The following DPYD variants were observed in gnomAD, a reference collection of about 807,000 sequenced individuals.
The protein encoded by DPYD is dihydropyrimidine dehydrogenase [NADP(+)].
Under a neutral mutation model 116.2 loss-of-function variants are expected in DPYD, and 109 were observed. That is an observed-to-expected ratio of 0.94 (90% CI 0.80 to 1.10). The LOEUF is 1.10. Among genes scored for constraint, DPYD ranks in the 50% least tolerant of loss-of-function variants. The pLI is 0.00. For synonymous variants in DPYD, 440 were observed against 432.0 expected (o/e 1.02, Z -0.23); for missense variants, 1,302 against 1,254.5 (o/e 1.04, Z -0.57).
intron 18 of DPYD, among the ~76,000 whole-genome samples, chr1:97,288,035 C>T (rs1226810244): frequency 2.5e-4 from 37 of 150,156 alleles, no homozygotes; most frequent in Non-Finnish European, 5.0e-4. Flanking sequence ...GGGTTGCAAT[C>T]CTACTCTCTG....
chr1:97,624,831 A>T (rs1362819776), intron 8 of DPYD, among the ~76,000 whole-genome samples: 1 of 152,062 alleles, frequency 6.6e-6, no homozygotes, highest in Non-Finnish European at 1.5e-5. Context: ...GAATTGGAGA[A>T]CATTACACTA....
intron 4 of DPYD, among the ~76,000 whole-genome samples, chr1:97,728,357 T>G (rs986741997): frequency 6.6e-6 from 1 of 152,196 alleles, no homozygotes; most frequent in Admixed American, 6.6e-5. Context: ...TAAAATAATT[T>G]AATTTCTATA....
At chr1:97,785,455 G>T (rs1182934104) in intron 3 of DPYD, among the ~76,000 whole-genome samples, 1 of 151,974 alleles carries the variant, frequency 6.6e-6, no homozygotes, top group Non-Finnish European at 1.5e-5. Flanking sequence ...ACAAATGGAA[G>T]AAAATAATTA....
At chr1:97,647,790 C>A (rs1376160990) in intron 8 of DPYD, among the ~76,000 whole-genome samples, 1 of 151,868 alleles carries the variant, frequency 6.6e-6, no homozygotes, top group African/African-American at 2.4e-5. Flanking sequence ...ATTAAGATCA[C>A]TAAACTGTCA....
chr1:97,150,133 C>T (rs1654912006), intron 20 of DPYD, among the ~76,000 whole-genome samples: 1 of 152,114 alleles, frequency 6.6e-6, no homozygotes, highest in African/African-American at 2.4e-5. Flanking sequence ...GCTCCTCATC[C>T]TTCACATATC....
At position 97,828,206 on chromosome 1, in the gene DPYD, A is replaced by C; in HGVS notation, c.151-10T>G. ...CCAGCTTCTCACAATTCTGCAACAT[A>C]TTTAAAAATTGCATTAATTCTCTAA... is the stretch of plus-strand genomic sequence containing the variant. On this transcript the variant is annotated splice_polypyrimidine_tract_variant and intron_variant, in intron 2 of 22. Coordinates refer to ENST00000370192, the MANE Select transcript of DPYD (RefSeq NM_000110.4). 6.2e-7 allele frequency: 1 copy of C among 1,611,654 alleles called. No homozygotes were observed. Among genetic ancestry groups the C allele is most frequent in the East Asian group, 2.2e-5 (1 of 44,836 alleles).
At chr1:97,297,986 C>G (rs1257708363) in intron 18 of DPYD, among the ~76,000 whole-genome samples, 3 of 152,066 alleles carry the variant, frequency 2.0e-5, no homozygotes, top group Non-Finnish European at 4.4e-5. Flanking sequence ...ATGTTATTCC[C>G]TACTCTGAGA....
intron 19 of DPYD, among the ~76,000 whole-genome samples, chr1:97,214,906 A>G (rs1304693593): frequency 1.3e-5 from 2 of 152,140 alleles, no homozygotes; most frequent in African/African-American, 4.8e-5. Flanking sequence ...TCTCCCAACA[A>G]AACATTAACA....
At chr1:97,809,634 A>G (rs1668251126) in intron 3 of DPYD, among the ~76,000 whole-genome samples, 1 of 152,192 alleles carries the variant, frequency 6.6e-6, no homozygotes, top group East Asian at 1.9e-4. Flanking sequence ...ACTACAAGAC[A>G]AATCAGTGGT....
At chr1:97,414,136 CAA>C (rs922797133) in intron 14 of DPYD, among the ~76,000 whole-genome samples, 1 of 151,764 alleles carries the variant, frequency 6.6e-6, no homozygotes, top group African/African-American at 2.4e-5. Flanking sequence ...AGTAAAAAAA[CAA>C]AAAACACACA....
At chr1:97,248,200 C>A (rs1271562432) in intron 18 of DPYD, among the ~76,000 whole-genome samples, 1 of 152,110 alleles carries the variant, frequency 6.6e-6, no homozygotes, top group Non-Finnish European at 1.5e-5. Flanking sequence ...TTGGCTGTGT[C>A]CCCACCCAAA....
intron 16 of DPYD, among the ~76,000 whole-genome samples, chr1:97,339,410 A>T (rs971843958): frequency 1.3e-5 from 2 of 152,220 alleles, no homozygotes; most frequent in Non-Finnish European, 2.9e-5. Flanking sequence ...AATGAAAAAA[A>T]TTCTTTCTTC....
intron 21 of DPYD, among the ~76,000 whole-genome samples, chr1:97,094,473 A>G (rs575158996): frequency 6.6e-6 from 1 of 152,282 alleles, no homozygotes; most frequent in African/African-American, 2.4e-5. Context: ...AAGAGATAAG[A>G]ACAATAGTCA....
At chr1:97,687,344 C>T (rs188030307) in intron 7 of DPYD, among the ~76,000 whole-genome samples, 53 of 152,128 alleles carry the variant, frequency 3.5e-4, no homozygotes, top group African/African-American at 1.2e-3. Context: ...CAAAATGAGA[C>T]ATTTATGTGG....
chr1:97,462,737 A>G (rs1677095549), intron 13 of DPYD, among the ~76,000 whole-genome samples: 1 of 152,188 alleles, frequency 6.6e-6, no homozygotes, highest in Non-Finnish European at 1.5e-5. Flanking sequence ...CATATTTTGA[A>G]ATGGTCCTGC....
In DPYD at chr1:97,082,462, T is replaced by C. The variant is rs763893877; in HGVS notation, c.2775A>G (p.Ile925Met). ...TTCCAAGGTACTGCAGTGCTTTTCC[T>C]ATTACATCCTAAAAATAGCCACTGA... The part of the protein sequence containing the change: ...KRPIPTIKDV[I>M]GKALQYLGTF... The change falls in exon 22 of 23, where the codon ATA (isoleucine) becomes ATG (methionine). Residue 925 changes from isoleucine to methionine, a missense_variant. By Grantham distance (10) the Ile-to-Met change is conservative. Transcript: ENST00000370192. The C allele has an allele frequency of 1.1e-5, 18 of 1,613,398 alleles. No homozygotes were observed. In the South Asian group the frequency reaches 1.8e-4, roughly 16 times the overall value.
chr1:97,437,070 C>T (rs572564627), intron 14 of DPYD, among the ~76,000 whole-genome samples: 3 of 151,580 alleles, frequency 2.0e-5, no homozygotes, highest in Non-Finnish European at 4.4e-5. Flanking sequence ...TTAAAGTATA[C>T]AATTTTATAA....
intron 11 of DPYD, among the ~76,000 whole-genome samples, chr1:97,561,833 C>T (rs910814345): frequency 6.6e-6 from 1 of 152,186 alleles, no homozygotes; most frequent in Admixed American, 6.5e-5. Context: ...TGTCTCTGTT[C>T]TCCTAATTCC....
At chr1:97,457,681 C>T (rs531746557) in intron 13 of DPYD, among the ~76,000 whole-genome samples, 6 of 152,142 alleles carry the variant, frequency 3.9e-5, no homozygotes, top group Non-Finnish European at 7.4e-5. Flanking sequence ...GTTCAGGTGA[C>T]TGGCTTTAAC....
Sources: allele counts gnomAD v4.1 joint callset (sites outside exome capture counted in the v4.1 genomes callset), GRCh38; gene constraint gnomAD v4.1.1; transcripts MANE v1.5; gene names NCBI Gene and HGNC (gene_info 2026-07-23, HGNC 2026-07-21).